The following CERT1 variants were observed in gnomAD, a reference collection of about 807,000 sequenced individuals.
The protein encoded by CERT1 is ceramide transfer protein.
CERT1 carries 31 observed loss-of-function variants against 87.9 expected under a neutral mutation model. That is an observed-to-expected ratio of 0.35 (90% CI 0.27 to 0.48). The LOEUF is 0.48. CERT1 is among the 20% of genes least tolerant of loss of function. The pLI is 0.99. For synonymous variants in CERT1, 289 were observed against 250.9 expected (o/e 1.15, Z -1.44); for missense variants, 487 against 758.0 (o/e 0.64, Z 4.20).
intron 9 of CERT1, chr5:75,402,285 A>G (rs780152192): frequency 1.3e-5 from 2 of 152,188 alleles, no homozygotes; most frequent in Non-Finnish European, 2.9e-5. Flanking sequence ...CTTCCTTTTC[A>G]TATCATACTT....
At chr5:75,446,451 A>C (rs1764539971) in intron 3 of CERT1, among the ~76,000 whole-genome samples, 1 of 152,136 alleles carries the variant, frequency 6.6e-6, no homozygotes, top group African/African-American at 2.4e-5. Context: ...TCATTAAGGT[A>C]GCTGCTTTAA....
In CERT1 at chr5:75,379,302, A is replaced by G; in HGVS notation, c.*44T>C. 6.6e-7 allele frequency: 1 copy of G among 1,518,358 alleles called. No homozygotes were observed. Among genetic ancestry groups the G allele is most frequent in the South Asian group, 1.2e-5 (1 of 83,936 alleles). 94.1% of individuals were successfully genotyped at this position (1,518,358 alleles called of 1,614,324 possible). ...GTATTGACAGTCATATTAGTCAAATAAAGTTAAAAAAAGATAAAACATATC... is the reference window on the plus strand; with the variant it reads ...GTATTGACAGTCATATTAGTCAAATGAAGTTAAAAAAAGATAAAACATATC... On this transcript the variant is annotated 3_prime_UTR_variant, in exon 17 of 17. Transcript: ENST00000643780.
intron 16 of CERT1, among the ~76,000 whole-genome samples, chr5:75,379,690 A>G (rs1391819633): frequency 6.6e-6 from 1 of 152,028 alleles, no homozygotes; most frequent in Non-Finnish European, 1.5e-5. Flanking sequence ...GGTTCAAGTG[A>G]TTCTCCTGCC....
Position 75,487,245 on chromosome 5 carries a change from CAATA to C in CERT1, c.231+18733_231+18736del, listed in dbSNP as rs1766565876. The stretch of plus-strand genomic sequence containing the variant: ...TACATTGGGGAAAGGACAGTCGCTT[CAATA>C]AATAGTGCTAGGAAAACTGGATATT... On this transcript the variant is annotated intron_variant, in intron 2 of 16. Transcript: ENST00000643780. Among the ~76,000 whole-genome samples the C allele has an allele frequency of 2.0e-5, 3 of 152,092 alleles. No individual in the cohort carries two copies. The South Asian group carries it at 6.2e-4, about 32-fold the overall frequency.
chr5:75,381,103 G>GC lies in CERT1; in HGVS notation c.1715_1716insG (p.Asn572LysfsTer11). The GC allele has an allele frequency of 6.2e-7, 1 of 1,614,088 alleles. No homozygotes were observed. The highest frequency in any genetic ancestry group is 8.5e-7 in the Non-Finnish European group (1 of 1,179,972). On this transcript the variant is annotated frameshift_variant, in exon 16 of 17. Coordinates refer to ENST00000643780, the MANE Select transcript of CERT1 (RefSeq NM_001379029.1). LOFTEE classifies it high-confidence loss of function. Reference sequence around the variant, plus strand: ...CTACATATGTAATCTTGCATAGAATGTTGTCCCTGCTAATTTCCTGGTTTC... The same window carrying GC: ...CTACATATGTAATCTTGCATAGAATGCTTGTCCCTGCTAATTTCCTGGTTTC...
Position 75,379,295 on chromosome 5 carries a change from G to A in CERT1, c.*51C>T. The A allele has an allele frequency of 6.8e-7, 1 of 1,478,794 alleles. No homozygotes were observed. Among genetic ancestry groups the A allele is most frequent in the Non-Finnish European group, 9.3e-7 (1 of 1,078,462 alleles). The allele number at this position is 1,478,794 out of a possible 1,614,324, so 91.6% of individuals were successfully genotyped here. On this transcript the variant is annotated 3_prime_UTR_variant, in exon 17 of 17. Coordinates refer to ENST00000643780, the MANE Select transcript of CERT1 (RefSeq NM_001379029.1). The stretch of plus-strand genomic sequence containing the variant: ...AATTTTAGTATTGACAGTCATATTA[G>A]TCAAATAAAGTTAAAAAAAGATAAA...
At chr5:75,385,868 A>C in intron 13 of CERT1, 34 bp downstream of exon 13, 1 of 1,370,252 alleles carries the variant, frequency 7.3e-7, no homozygotes, top group African/African-American at 1.5e-5. Flanking sequence ...AATTCAAAAT[A>C]ATAGATTAAA....
chr5:75,388,890 T>A (rs545094007), intron 12 of CERT1, among the ~76,000 whole-genome samples: 1 of 152,138 alleles, frequency 6.6e-6, no homozygotes, highest in East Asian at 1.9e-4. Flanking sequence ...CTCCTAAAAG[T>A]GCTGGGATTA....
chr5:75,502,724 T>C (rs989082616), intron 2 of CERT1, among the ~76,000 whole-genome samples: 5 of 152,124 alleles, frequency 3.3e-5, no homozygotes, highest in African/African-American at 1.2e-4. Context: ...AACTTTTTAA[T>C]GCCACAAATT....
chr5:75,428,041 T>C (rs1763697488), intron 3 of CERT1, among the ~76,000 whole-genome samples: 1 of 152,216 alleles, frequency 6.6e-6, no homozygotes, highest in Admixed American at 6.5e-5. Flanking sequence ...TGACATTTTA[T>C]AGCCTCTGTG....
chr5:75,495,504 G>A (rs1376740661), intron 2 of CERT1, among the ~76,000 whole-genome samples: 2 of 151,882 alleles, frequency 1.3e-5, no homozygotes, highest in African/African-American at 4.8e-5. Context: ...GCTTCAGTGT[G>A]CCGAGATCAC....
At chr5:75,478,182 G>A (rs533295848) in intron 2 of CERT1, among the ~76,000 whole-genome samples, 2 of 151,784 alleles carry the variant, frequency 1.3e-5, no homozygotes, top group African/African-American at 2.4e-5. Flanking sequence ...GTGTGGTGGC[G>A]CAGCACCTGT....
upstream of CERT1, chr5:75,511,843 A>G: frequency 3.9e-6 from 6 of 1,547,156 alleles, no homozygotes; most frequent in Admixed American, 4.0e-5. Flanking sequence ...GCTGTGCTGC[A>G]TTCTGGGAAG....
intron 3 of CERT1, among the ~76,000 whole-genome samples, chr5:75,432,711 A>G (rs1763924339): frequency 6.6e-6 from 1 of 152,104 alleles, no homozygotes; most frequent in South Asian, 2.1e-4. Flanking sequence ...ATTAGGTTTC[A>G]CTTGTCAATT....
At chr5:75,486,176 C>G (rs1252779968) in intron 2 of CERT1, among the ~76,000 whole-genome samples, 1 of 152,050 alleles carries the variant, frequency 6.6e-6, no homozygotes, top group African/African-American at 2.4e-5. Context: ...GAATTTATCC[C>G]AGGGATGCAA....
At chr5:75,502,150 A>G (rs1372170893) in intron 2 of CERT1, among the ~76,000 whole-genome samples, 2 of 152,190 alleles carry the variant, frequency 1.3e-5, no homozygotes, top group Admixed American at 1.3e-4. Context: ...AAAAAAGTGC[A>G]TAAGCAATTG....
chr5:75,411,464 C>T (rs1337647810), intron 7 of CERT1, among the ~76,000 whole-genome samples: 2 of 152,138 alleles, frequency 1.3e-5, no homozygotes, highest in South Asian at 2.1e-4. Context: ...CAGGCTTGTG[C>T]CATCACACCC....
At chr5:75,444,747 A>G (rs1478624101) in intron 3 of CERT1, among the ~76,000 whole-genome samples, 1 of 151,770 alleles carries the variant, frequency 6.6e-6, no homozygotes, top group African/African-American at 2.4e-5. Flanking sequence ...GGGTTTCACC[A>G]TGTTGGCCAG....
intron 5 of CERT1, among the ~76,000 whole-genome samples, chr5:75,420,684 T>C (rs1289366395): frequency 1.3e-5 from 2 of 152,166 alleles, no homozygotes; most frequent in African/African-American, 4.8e-5. Context: ...TTAACATACC[T>C]CTTTCTTCTA....
Sources: gnomAD v4.1 joint callset for allele counts (sites outside exome capture counted in the v4.1 genomes callset) on GRCh38, gnomAD v4.1.1 for gene constraint, MANE v1.5 for transcripts, NCBI Gene and HGNC (gene_info 2026-07-23, HGNC 2026-07-21) for gene names.